LGSN: variants seen among roughly 807,000 people sequenced by gnomAD.
LGSN encodes the protein lengsin, lens protein with glutamine synthetase domain.
A neutral mutation model predicts 19.5 loss-of-function variants in LGSN; 21 were observed. That is an observed-to-expected ratio of 1.07 (90% confidence interval 0.76 to 1.55). The LOEUF (loss-of-function observed/expected upper bound fraction) is 1.55. LGSN is among the 40% of genes most tolerant of loss of function. The pLI is 0.00. For synonymous variants in LGSN, 257 were observed against 215.6 expected (o/e 1.19, Z -1.68); for missense variants, 673 against 608.5 (o/e 1.11, Z -1.12).
the LGSN span, among the ~76,000 whole-genome samples, chr6:63,356,083 C>T: frequency 6.6e-6 from 1 of 152,144 alleles, no homozygotes; most frequent in African/African-American, 2.4e-5. Context: ...TATAAGGACA[C>T]CGGTTATATT....
At chr6:63,485,954 T>C in the LGSN span, among the ~76,000 whole-genome samples, 1 of 152,106 alleles carries the variant, frequency 6.6e-6, no homozygotes. Flanking sequence ...GCTCTGAAAC[T>C]CCTGACCTCA....
chr6:63,317,437 A>G (rs1324743319), intron 1 of LGSN, among the ~76,000 whole-genome samples: 1 of 152,054 alleles, frequency 6.6e-6, no homozygotes, highest in East Asian at 1.9e-4. Context: ...TGCCCTTGAA[A>G]CTCAAATCTA....
the LGSN span, among the ~76,000 whole-genome samples, chr6:63,420,915 T>A: frequency 1.3e-5 from 2 of 151,768 alleles, no homozygotes; most frequent in African/African-American, 4.8e-5. Flanking sequence ...ATCAAAAGTC[T>A]TGGTAAAGAA....
the LGSN span, among the ~76,000 whole-genome samples, chr6:63,467,329 C>CAACATGGTTACTATAAGATG: frequency 1.3e-5 from 2 of 151,876 alleles, no homozygotes; most frequent in African/African-American, 4.8e-5. Context: ...ACTATAAGAT[C>CAACATGGTTACTATAAGATG]AACATGGTTA....
intron 3 of LGSN, among the ~76,000 whole-genome samples, chr6:63,283,161 G>A (rs985096269): frequency 6.6e-6 from 1 of 152,000 alleles, no homozygotes; most frequent in African/African-American, 2.4e-5. Flanking sequence ...TTCTGGCACT[G>A]TAATTTGCTT....
rs533464041 is a variant in LGSN at position 63,301,149 on chromosome 6, G to A, written c.31-6104C>T. Among the ~76,000 whole-genome samples, 25 of 152,214 alleles carry A rather than the reference G, an allele frequency of 1.6e-4. No homozygotes were observed. The East Asian group carries it at 4.6e-3, about 28-fold the overall frequency. ...CTACTAAAAATGCAAAAATTAGCCA[G>A]GCATTGTGGCACACATCTGTAACCA... On this transcript the variant is annotated intron_variant, in intron 1 of 3. Coordinates refer to ENST00000370657, the MANE Select transcript of LGSN (RefSeq NM_016571.3).
the LGSN span, among the ~76,000 whole-genome samples, chr6:63,561,149 A>T: frequency 6.6e-6 from 1 of 152,222 alleles, no homozygotes; most frequent in Non-Finnish European, 1.5e-5. Flanking sequence ...GGCCATGAGT[A>T]CAGCCTAACA....
chr6:63,414,880 A>T, the LGSN span, among the ~76,000 whole-genome samples: 1 of 151,676 alleles, frequency 6.6e-6, no homozygotes, highest in Non-Finnish European at 1.5e-5. Context: ...ATGCCACTAC[A>T]CTCCAGCTTG....
chr6:63,394,994 T>C, the LGSN span: 1 of 156,644 alleles, frequency 6.4e-6, no homozygotes, highest in African/African-American at 2.4e-5. Context: ...CAACTCCCTC[T>C]CCTTTCTTTC....
At chr6:63,326,876 T>C in the LGSN span, among the ~76,000 whole-genome samples, 19 of 152,144 alleles carry the variant, frequency 1.2e-4, no homozygotes. Flanking sequence ...GGCTCTGGCC[T>C]TGGCCAGCCC....
At chr6:63,481,681 T>C in the LGSN span, 75,829 of 161,084 alleles carry the variant, frequency 0.47, 19,731 homozygotes, top group Non-Finnish European at 0.57. Flanking sequence ...TTAAAAAAAA[T>C]TAGAGAAATG....
the LGSN span, among the ~76,000 whole-genome samples, chr6:63,332,988 G>A: frequency 6.6e-6 from 1 of 151,888 alleles, no homozygotes; most frequent in East Asian, 1.9e-4. Flanking sequence ...TGGTCTCTCT[G>A]GCTTCAGGAG....
the LGSN span, among the ~76,000 whole-genome samples, chr6:63,397,621 A>T: frequency 2.6e-5 from 4 of 152,244 alleles, no homozygotes; most frequent in Middle Eastern, 3.4e-3. Flanking sequence ...TAATAGAAAA[A>T]AAAAAGATTA....
At chr6:63,491,817 G>A in the LGSN span, among the ~76,000 whole-genome samples, 1 of 152,114 alleles carries the variant, frequency 6.6e-6, no homozygotes, top group African/African-American at 2.4e-5. Context: ...GATCTCCTGA[G>A]GTCAGAAGTT....
At position 63,301,291 on chromosome 6, in the gene LGSN, A is replaced by G. The variant is rs567505467; in HGVS notation, c.31-6246T>C. Among the ~76,000 whole-genome samples the G allele has an allele frequency of 3.9e-5, 6 of 152,086 alleles. 1 individual carries two copies. The South Asian group carries it at 1.2e-3, about 32-fold the overall frequency. Reference sequence around the variant, plus strand: ...GGGTGACAGAATGAGACTCTGTCTTAAAAAAAATAAATACAATAAAATAAA... The same window carrying G: ...GGGTGACAGAATGAGACTCTGTCTTGAAAAAAATAAATACAATAAAATAAA... On this transcript the variant is annotated intron_variant, in intron 1 of 3. Transcript: ENST00000370657.
At chr6:63,571,300 A>C in the LGSN span, 2 of 152,234 alleles carry the variant, frequency 1.3e-5, no homozygotes, top group Non-Finnish European at 2.9e-5. Flanking sequence ...TTTGATCCCT[A>C]AAGCCCTCTC....
the LGSN span, among the ~76,000 whole-genome samples, chr6:63,356,026 C>T: frequency 2.7e-5 from 4 of 149,482 alleles, no homozygotes; most frequent in Non-Finnish European, 5.9e-5. Flanking sequence ...TTCACATATT[C>T]TTCCTTCTAC....
chr6:63,535,505 T>C, the LGSN span, among the ~76,000 whole-genome samples: 2 of 152,200 alleles, frequency 1.3e-5, no homozygotes, highest in African/African-American at 4.8e-5. Flanking sequence ...ATTTCCCTCC[T>C]TAATTAAATG....
At chr6:63,303,085 A>G (rs912014582) in intron 1 of LGSN, among the ~76,000 whole-genome samples, 2 of 152,138 alleles carry the variant, frequency 1.3e-5, no homozygotes, top group African/African-American at 4.8e-5. Context: ...CCGAGATTGC[A>G]TCCAAATTAT....
Sources: gnomAD v4.1 joint callset for allele counts (sites outside exome capture counted in the v4.1 genomes callset) on GRCh38, gnomAD v4.1.1 for gene constraint, MANE v1.5 for transcripts, NCBI Gene and HGNC (gene_info 2026-07-23, HGNC 2026-07-21) for gene names.